CTNNA2: variants seen among roughly 807,000 people sequenced by gnomAD.
CTNNA2 encodes catenin alpha 2.
CTNNA2 carries 42 observed loss-of-function variants against 101.0 expected under a neutral mutation model. The observed-to-expected ratio is 0.42, with a 90% confidence interval of 0.32 to 0.54. The LOEUF (loss-of-function observed/expected upper bound fraction) is 0.54, where lower values mean the gene tolerates loss of function less well. CTNNA2 is among the 20% of genes least tolerant of loss of function. The pLI is 0.14. For missense variants in CTNNA2, 871 were observed against 1,223.1 expected, an observed-to-expected ratio of 0.71 and a Z score of 4.29; for synonymous variants, 450 against 456.4, an observed-to-expected ratio of 0.99 and a Z score of 0.18.
intron 7 of CTNNA2, among the ~76,000 whole-genome samples, chr2:80,080,153 G>A (rs975171249): frequency 4.6e-5 from 7 of 152,140 alleles, no homozygotes; most frequent in African/African-American, 1.4e-4. Context: ...GCATTGTAAA[G>A]TGTGGCTGGT....
chr2:79,950,925 A>G (rs1328528203), intron 7 of CTNNA2, among the ~76,000 whole-genome samples: 1 of 150,596 alleles, frequency 6.6e-6, no homozygotes, highest in Non-Finnish European at 1.5e-5. Context: ...TCAGTCTAAA[A>G]GTTTGAAATC....
chr2:79,346,806 T>C (rs1677274401), intron 3 of CTNNA2, among the ~76,000 whole-genome samples: 1 of 152,246 alleles, frequency 6.6e-6, no homozygotes, highest in African/African-American at 2.4e-5. Context: ...CTACTAAACC[T>C]CTCATGCTCC....
intron 9 of CTNNA2, among the ~76,000 whole-genome samples, chr2:80,536,068 A>G (rs898163510): frequency 6.6e-6 from 1 of 152,062 alleles, no homozygotes; most frequent in African/African-American, 2.4e-5. Context: ...GAGGTTTATC[A>G]TTTCCACTGT....
rs538745448 is a variant in CTNNA2, at chr2:79,913,777, T to A, written c.1056+3980T>A. On this transcript the variant is annotated intron_variant, in intron 7 of 18. Coordinates refer to ENST00000402739, the MANE Select transcript of CTNNA2 (RefSeq NM_001282597.3). ...TATTTGCATTTTGGATGATTTGCATTTTGAATGACAGTTGCAGTTGTATCA... is the reference window on the plus strand; with the variant it reads ...TATTTGCATTTTGGATGATTTGCATATTGAATGACAGTTGCAGTTGTATCA... Among the ~76,000 whole-genome samples, 5 of 152,324 alleles carry A rather than the reference T, an allele frequency of 3.3e-5. No individual in the cohort carries two copies. The East Asian group carries it at 9.6e-4, about 29-fold the overall frequency.
chr2:79,913,881 A>T (rs1173322637), intron 7 of CTNNA2, among the ~76,000 whole-genome samples: 1 of 152,118 alleles, frequency 6.6e-6, no homozygotes, highest in Non-Finnish European at 1.5e-5. Flanking sequence ...AAAGTAGCTT[A>T]CTTGGGCCGG....
At chr2:79,372,654 G>T (rs1233972442) in intron 3 of CTNNA2, among the ~76,000 whole-genome samples, 2 of 152,152 alleles carry the variant, frequency 1.3e-5, no homozygotes, top group Non-Finnish European at 1.5e-5. Flanking sequence ...AACACAAAGG[G>T]CTGTTTTTCA....
chr2:80,081,152 C>T (rs1193688452), intron 7 of CTNNA2, among the ~76,000 whole-genome samples: 2 of 151,314 alleles, frequency 1.3e-5, no homozygotes, highest in African/African-American at 4.9e-5. Context: ...AAGAACTTCC[C>T]CTTAATAAAA....
In CTNNA2 at chr2:80,097,821, G is replaced by T. The variant is rs554583258; in HGVS notation, c.1056+188024G>T. Among the ~76,000 whole-genome samples the T allele has an allele frequency of 2.8e-4, 43 of 152,144 alleles. No homozygotes were observed. The Middle Eastern group carries it at 0.01, about 36-fold the overall frequency. ...ATTGCCTACTGAGGCTTATGCATTCGTCACGTAGTTCTCGTGCCATGGTTT... is the reference window on the plus strand; with the variant it reads ...ATTGCCTACTGAGGCTTATGCATTCTTCACGTAGTTCTCGTGCCATGGTTT... On this transcript the variant is annotated intron_variant, in intron 7 of 18. Coordinates refer to ENST00000402739, the MANE Select transcript of CTNNA2 (RefSeq NM_001282597.3).
intron 9 of CTNNA2, among the ~76,000 whole-genome samples, chr2:80,465,657 T>G (rs1488805686): frequency 6.6e-6 from 1 of 152,084 alleles, no homozygotes; most frequent in Non-Finnish European, 1.5e-5. Flanking sequence ...AAAAAAGAAG[T>G]CATTTGCCCT....
chr2:80,158,673 G>T (rs551970895), intron 7 of CTNNA2, among the ~76,000 whole-genome samples: 1 of 152,328 alleles, frequency 6.6e-6, no homozygotes, highest in South Asian at 2.1e-4. Context: ...ACTTTGGGAG[G>T]CTGAAGCAGG....
chr2:79,456,733 G>T (rs1262897356), intron 4 of CTNNA2, among the ~76,000 whole-genome samples: 1 of 152,096 alleles, frequency 6.6e-6, no homozygotes, highest in Non-Finnish European at 1.5e-5. Context: ...AATGGCACTT[G>T]GTTAGAATGC....
intron 4 of CTNNA2, among the ~76,000 whole-genome samples, chr2:79,429,287 T>G (rs895501151): frequency 6.6e-6 from 1 of 152,096 alleles, no homozygotes; most frequent in African/African-American, 2.4e-5. Flanking sequence ...TTTCCCCAGT[T>G]TTTAGGTCTA....
chr2:79,703,826 A>G (rs1685168478), intron 2 of CTNNA2, among the ~76,000 whole-genome samples: 1 of 152,182 alleles, frequency 6.6e-6, no homozygotes, highest in Non-Finnish European at 1.5e-5. Context: ...GCAGTCCAGA[A>G]ATATTACAGT....
chr2:80,286,400 A>G (rs1439544513), intron 7 of CTNNA2, among the ~76,000 whole-genome samples: 3 of 152,086 alleles, frequency 2.0e-5, no homozygotes, highest in Non-Finnish European at 2.9e-5. Context: ...AGGATATAAG[A>G]GTGGTGAGTT....
At chr2:79,542,772 A>G (rs1673500820) in intron 1 of CTNNA2, among the ~76,000 whole-genome samples, 1 of 152,158 alleles carries the variant, frequency 6.6e-6, no homozygotes. Flanking sequence ...ATATTTATTT[A>G]TTTTAGTAAG....
chr2:79,968,207 C>T (rs564646437), intron 7 of CTNNA2, among the ~76,000 whole-genome samples: 1 of 136,480 alleles, frequency 7.3e-6, no homozygotes, highest in Admixed American at 6.9e-5. Context: ...GTTAATTTTA[C>T]TTCAATAAAA....
chr2:79,981,116 G>T (rs539646188), intron 7 of CTNNA2, among the ~76,000 whole-genome samples: 2 of 151,986 alleles, frequency 1.3e-5, no homozygotes, highest in Non-Finnish European at 2.9e-5. Flanking sequence ...TTCTGTCCTG[G>T]TTTCTTTGAA....
At chr2:80,571,532 T>C (rs1002259841) in intron 12 of CTNNA2, among the ~76,000 whole-genome samples, 1 of 152,234 alleles carries the variant, frequency 6.6e-6, no homozygotes, top group Non-Finnish European at 1.5e-5. Context: ...TAAAGTGGTA[T>C]ATATCCTTTT....
intron 1 of CTNNA2, among the ~76,000 whole-genome samples, chr2:79,535,381 T>A (rs562620865): frequency 2.0e-5 from 3 of 151,918 alleles, no homozygotes; most frequent in Non-Finnish European, 4.4e-5. Flanking sequence ...ATTTTTTGTA[T>A]TTTTAGTAGA....
Sources: gnomAD v4.1 joint callset for allele counts (sites outside exome capture counted in the v4.1 genomes callset) on GRCh38, gnomAD v4.1.1 for gene constraint, MANE v1.5 for transcripts, NCBI Gene and HGNC (gene_info 2026-07-23, HGNC 2026-07-21) for gene names.